PRLR: variants seen among roughly 807,000 people sequenced by gnomAD.
The protein encoded by PRLR is hPRL receptor.
PRLR carries 13 observed loss-of-function variants against 40.2 expected under a neutral mutation model. That is an observed-to-expected ratio of 0.32 (90% CI 0.21 to 0.51). The LOEUF (loss-of-function observed/expected upper bound fraction) is 0.51, where lower values mean the gene tolerates loss of function less well. PRLR is among the 20% of genes least tolerant of loss of function. The pLI, the probability that PRLR is intolerant of heterozygous loss-of-function variation, is 0.97. For synonymous variants in PRLR, 269 were observed against 278.7 expected, an observed-to-expected ratio of 0.97 and a Z score of 0.35; for missense variants, 656 against 747.3, an observed-to-expected ratio of 0.88 and a Z score of 1.42.
At chr5:35,053,672 CCCAA>C (rs1768584456), downstream of PRLR, among the ~76,000 whole-genome samples, 1 of 152,030 alleles carries the variant, frequency 6.6e-6, no homozygotes, top group South Asian at 2.1e-4. Context: ...TTTATTGAAG[CCCAA>C]TGTAAAGGAA....
At chr5:35,154,509 A>T (rs1352906047) in intron 1 of PRLR, among the ~76,000 whole-genome samples, 1 of 152,198 alleles carries the variant, frequency 6.6e-6, no homozygotes, top group Non-Finnish European at 1.5e-5. Flanking sequence ...GTGAGGTTGC[A>T]GAGAAAAAGG....
intron 1 of PRLR, 92 bp from the exon 2 acceptor site, chr5:35,118,214 A>C (rs1162598623): frequency 1.7e-6 from 1 of 585,508 alleles, no homozygotes; most frequent in Non-Finnish European, 2.2e-6. Context: ...ATGGCTGAAC[A>C]TTGGCCCCTC....
At chr5:35,193,243 T>C (rs1414608138) in intron 1 of PRLR, among the ~76,000 whole-genome samples, 3 of 152,212 alleles carry the variant, frequency 2.0e-5, no homozygotes, top group Non-Finnish European at 4.4e-5. Flanking sequence ...TATATGTCTC[T>C]AGATAAGCCC....
intron 1 of PRLR, among the ~76,000 whole-genome samples, chr5:35,121,610 CA>C (rs554692734): frequency 8.7e-4 from 133 of 152,274 alleles, no homozygotes; most frequent in African/African-American, 3.2e-3. Flanking sequence ...AAATAATACA[CA>C]ACATTTACTA....
At chr5:35,092,514 T>TC (rs933266350) in intron 2 of PRLR, among the ~76,000 whole-genome samples, 2 of 152,214 alleles carry the variant, frequency 1.3e-5, no homozygotes, top group Non-Finnish European at 1.5e-5. Context: ...CCTTTTTTTT[T>TC]CTTTTTATGG....
intron 2 of PRLR, among the ~76,000 whole-genome samples, chr5:35,103,958 T>C (rs1772058837): frequency 6.6e-6 from 1 of 152,194 alleles, no homozygotes; most frequent in African/African-American, 2.4e-5. Flanking sequence ...TCCTTTTTTT[T>C]TTAAAGCTGT....
intron 3 of PRLR, among the ~76,000 whole-genome samples, 197 bp downstream of exon 3, chr5:35,089,354 A>C (rs1462348375): frequency 6.6e-6 from 1 of 152,238 alleles, no homozygotes; most frequent in Non-Finnish European, 1.5e-5. Context: ...CAGAGAGCAC[A>C]GTGACAAGAT....
chr5:35,133,588 A>G (rs1048500068), intron 1 of PRLR, among the ~76,000 whole-genome samples: 1 of 152,188 alleles, frequency 6.6e-6, no homozygotes, highest in East Asian at 1.9e-4. Flanking sequence ...CACTTCCTCC[A>G]TGGAAATAGA....
intron 1 of PRLR, among the ~76,000 whole-genome samples, chr5:35,189,702 T>C (rs963393208): frequency 5.9e-5 from 9 of 152,172 alleles, no homozygotes; most frequent in Non-Finnish European, 1.3e-4. Context: ...GCCGGAGTTC[T>C]AGGTTCTTTG....
chr5:35,077,161 T>C (rs189368235), intron 5 of PRLR, among the ~76,000 whole-genome samples: 6,006 of 152,192 alleles, frequency 0.039, 149 homozygotes, highest in Middle Eastern at 0.11. Flanking sequence ...AACCAGCTAA[T>C]ATCATAATGA....
At position 35,059,789 on chromosome 5, in the gene PRLR, T is replaced by A. The variant is rs1460143365; in HGVS notation, c.*5300A>T. Reference sequence around the variant, plus strand: ...TTTCTCTGAAGCAATCAATCTGTATTTTTAAAGCTTCTCCTTCAGACCTCC... The same window carrying A: ...TTTCTCTGAAGCAATCAATCTGTATATTTAAAGCTTCTCCTTCAGACCTCC... On this transcript the variant is annotated 3_prime_UTR_variant, in exon 10 of 10. Coordinates refer to ENST00000618457, the MANE Select transcript of PRLR (RefSeq NM_000949.7). 1 of 152,200 alleles carries A rather than the reference T, an allele frequency of 6.6e-6. No homozygotes were observed. Among genetic ancestry groups the A allele is most frequent in the Admixed American group, 6.5e-5 (1 of 15,282 alleles). The allele number at this position is 152,200 out of a possible 1,614,324, so 9.4% of individuals were successfully genotyped here.
At chr5:35,070,660 A>G (rs995374880) in intron 6 of PRLR, among the ~76,000 whole-genome samples, 2 of 151,864 alleles carry the variant, frequency 1.3e-5, no homozygotes, top group African/African-American at 4.8e-5. Context: ...CCTGACCAAC[A>G]TGGAGAAACC....
rs961883015 is a variant in PRLR, at chr5:35,059,556, A to G, written c.*5533T>C. The stretch of plus-strand genomic sequence containing the variant: ...TTTAGTGGGTTAGTCTCAGCATTTC[A>G]TGGAATCCTGAGATGCCCAAATCTC... On this transcript the variant is annotated 3_prime_UTR_variant, in exon 10 of 10. Transcript: ENST00000618457. 3 of 152,114 alleles carry G rather than the reference A, an allele frequency of 2.0e-5. No homozygotes were observed. Among genetic ancestry groups the G allele is most frequent in the Admixed American group, 1.3e-4 (2 of 15,258 alleles). 9.4% of individuals were successfully genotyped at this position (152,114 alleles called of 1,614,324 possible). A position where few individuals can be genotyped will look rare whatever the true frequency, so the allele number is the denominator to read the frequency against.
intron 2 of PRLR, among the ~76,000 whole-genome samples, chr5:35,109,809 C>G (rs1461530797): frequency 6.6e-6 from 1 of 152,140 alleles, no homozygotes; most frequent in East Asian, 1.9e-4. Flanking sequence ...GACAGCGTGG[C>G]GATTCCTCAA....
Position 35,057,483 on chromosome 5 carries a change from A to T in PRLR, c.*7606T>A, listed in dbSNP as rs1223156729. 6.6e-6 allele frequency: 1 copy of T among 152,186 alleles called. No individual in the cohort carries two copies. Among genetic ancestry groups the T allele is most frequent in the Non-Finnish European group, 1.5e-5 (1 of 68,014 alleles). The allele number at this position is 152,186 out of a possible 1,614,324, so 9.4% of individuals were successfully genotyped here. Reference sequence around the variant, plus strand: ...TAATGATGTGAATAGAAATATAACTAACATATTATATTGGGATGTCTAAGA... The same window carrying T: ...TAATGATGTGAATAGAAATATAACTTACATATTATATTGGGATGTCTAAGA... On this transcript the variant is annotated 3_prime_UTR_variant, in exon 10 of 10. Transcript: ENST00000618457.
chr5:35,140,606 C>A (rs1477677448), intron 1 of PRLR, among the ~76,000 whole-genome samples: 1 of 152,210 alleles, frequency 6.6e-6, no homozygotes, highest in African/African-American at 2.4e-5. Context: ...AGAACACATG[C>A]AAAGTGTAAT....
intron 1 of PRLR, among the ~76,000 whole-genome samples, chr5:35,209,773 G>A (rs1289406951): frequency 6.6e-6 from 1 of 152,126 alleles, no homozygotes; most frequent in Admixed American, 6.5e-5. Flanking sequence ...ATGGGCTTGG[G>A]CCACCTTCTA....
At chr5:35,113,538 C>T (rs1772827944) in intron 2 of PRLR, among the ~76,000 whole-genome samples, 1 of 151,848 alleles carries the variant, frequency 6.6e-6, no homozygotes, top group Admixed American at 6.6e-5. Flanking sequence ...TCCATCCATC[C>T]ATCCATCCAT....
chr5:35,150,189 C>T (rs559427386), intron 1 of PRLR, among the ~76,000 whole-genome samples: 1 of 152,204 alleles, frequency 6.6e-6, no homozygotes, highest in Non-Finnish European at 1.5e-5. Context: ...CGGCCACTAC[C>T]TAGTCTAAAA....
Sources: gnomAD v4.1 joint callset for allele counts (sites outside exome capture counted in the v4.1 genomes callset) on GRCh38, gnomAD v4.1.1 for gene constraint, MANE v1.5 for transcripts, NCBI Gene and HGNC (gene_info 2026-07-23, HGNC 2026-07-21) for gene names.